The following MTUS2 variants were observed in gnomAD, a reference collection of about 807,000 sequenced individuals.
MTUS2 encodes microtubule associated scaffold protein 2.
Under a neutral mutation model 114.1 loss-of-function variants are expected in MTUS2, and 40 were observed. That is an observed-to-expected ratio of 0.35 (90% confidence interval 0.27 to 0.46). The LOEUF (loss-of-function observed/expected upper bound fraction) is 0.46. Ranked by LOEUF, MTUS2 falls within the 20% of genes least tolerant of loss-of-function variation. MTUS2 has a pLI of 1.00. For synonymous variants in MTUS2, 688 were observed against 672.0 expected (o/e 1.02, Z -0.37); for missense variants, 1,679 against 1,705.4 (o/e 0.98, Z 0.27).
At chr13:29,429,354 T>G (rs1316928099) in intron 8 of MTUS2, among the ~76,000 whole-genome samples, 1 of 152,232 alleles carries the variant, frequency 6.6e-6, no homozygotes, top group African/African-American at 2.4e-5. Flanking sequence ...TCTTGTAATT[T>G]ACATTCTTCA....
chr13:29,380,320 A>G (rs1386120796), intron 8 of MTUS2, among the ~76,000 whole-genome samples: 1 of 152,262 alleles, frequency 6.6e-6, no homozygotes, highest in Non-Finnish European at 1.5e-5. Context: ...CAGTGACATT[A>G]CAGAATAGTT....
chr13:29,373,450 G>A (rs369448015), intron 8 of MTUS2, among the ~76,000 whole-genome samples: 6 of 152,224 alleles, frequency 3.9e-5, no homozygotes, highest in African/African-American at 1.2e-4. Flanking sequence ...GGAAAGGATA[G>A]CAGATATTGA....
At chr13:29,277,774 C>G (rs918281880) in intron 5 of MTUS2, among the ~76,000 whole-genome samples, 3 of 152,174 alleles carry the variant, frequency 2.0e-5, no homozygotes, top group African/African-American at 7.2e-5. Context: ...ATGAAATTTT[C>G]CTGTGAACGG....
At chr13:29,422,648 C>CTTTTTTTTTTTTT (rs11342823) in intron 8 of MTUS2, among the ~76,000 whole-genome samples, 10 of 67,964 alleles carry the variant, frequency 1.5e-4, no homozygotes, top group Non-Finnish European at 1.8e-4. Flanking sequence ...GATTTCTTTT[C>CTTTTTTTTTTTTT]TTTTTTTTTT....
intron 5 of MTUS2, among the ~76,000 whole-genome samples, chr13:29,157,362 A>G (rs951004926): frequency 6.6e-6 from 1 of 152,190 alleles, no homozygotes; most frequent in Admixed American, 6.5e-5. Context: ...CCACATACTC[A>G]CCAGCCCTTG....
chr13:29,025,489 C>T lies in MTUS2; in HGVS notation c.791C>T (p.Ala264Val), dbSNP rs1440007774. 3.7e-6 allele frequency: 6 copies of T among 1,613,386 alleles called. No homozygotes were observed. Among genetic ancestry groups the T allele is most frequent in the Non-Finnish European group, 5.1e-6 (6 of 1,179,682 alleles). Residue 264 changes from alanine (A) to valine (V), a missense_variant, in exon 3 of 16, where the codon GCA becomes GTA. Ala to Val is a moderately conservative substitution (Grantham distance 64). Coordinates refer to ENST00000612955, the MANE Select transcript of MTUS2 (RefSeq NM_001033602.4). ...STPSETQTVG[A>V]HVLQVCSEHT... ...CCCTCAGAGACCCAAACAGTGGGGG[C>T]ACATGTACTGCAGGTGTGCAGTGAG...
chr13:29,025,276 A>C lies in MTUS2; in HGVS notation c.578A>C (p.Gln193Pro), dbSNP rs1288825220. The C allele has an allele frequency of 6.2e-7, 1 of 1,613,990 alleles. No individual in the cohort carries two copies. The highest frequency in any genetic ancestry group is 1.1e-5 in the South Asian group (1 of 91,080). ...GCTGCAGTCGGGAGCCTGACTCCGC[A>C]GCATCCACAGCCTCTATCCCTCGAC... ...SVAAVGSLTP[Q>P]HPQPLSLDSR... Residue 193 changes from glutamine to proline, a missense_variant, in exon 3 of 16, where the codon CAG (glutamine) becomes CCG (proline). By Grantham distance (76) the Gln-to-Pro change is moderately conservative (BLOSUM62 -1). This residue lies in a region of MTUS2 where 843 missense variants were observed against 770.8 expected (regional missense o/e 1.09). Coordinates refer to ENST00000612955, the MANE Select transcript of MTUS2 (RefSeq NM_001033602.4).
At chr13:29,051,485 G>C (rs2987344) in intron 4 of MTUS2, among the ~76,000 whole-genome samples, 1 of 151,858 alleles carries the variant, frequency 6.6e-6, no homozygotes. Flanking sequence ...TGAAATCTGC[G>C]TCTCACTAGA....
At chr13:28,957,685 A>AG (rs66843564) in intron 2 of MTUS2, among the ~76,000 whole-genome samples, 422 of 151,748 alleles carry the variant, frequency 2.8e-3, no homozygotes, top group South Asian at 3.8e-3. Flanking sequence ...TTGTATCTGG[A>AG]GGGGGGGGTC....
At chr13:29,185,122 G>A (rs541992528) in intron 5 of MTUS2, among the ~76,000 whole-genome samples, 1 of 152,158 alleles carries the variant, frequency 6.6e-6, no homozygotes, top group East Asian at 1.9e-4. Flanking sequence ...ATCTAGAGTT[G>A]AAAAGTACAA....
chr13:29,158,358 C>CCCCCCCCCCTCCTTT, intron 5 of MTUS2, among the ~76,000 whole-genome samples: 1 of 32,048 alleles, frequency 3.1e-5, no homozygotes, highest in African/African-American at 2.1e-4. Context: ...GTCCACCCCG[C>CCCCCCCCCCTCCTTT]TTTTTTTTTT....
intron 14 of MTUS2, among the ~76,000 whole-genome samples, chr13:29,499,108 C>T (rs1331207075): frequency 6.6e-6 from 1 of 152,224 alleles, no homozygotes; most frequent in African/African-American, 2.4e-5. Context: ...TCTCTGCCTC[C>T]TAATACCATC....
Position 29,496,721 on chromosome 13 carries a change from A to C in MTUS2, c.3580-517A>C, listed in dbSNP as rs562728690. Reference sequence around the variant, plus strand: ...GACTCTGTGGGTTCTAGGGACATTCAGGAGGCAGGATGGCAGGAGTTGATT... The same window carrying C: ...GACTCTGTGGGTTCTAGGGACATTCCGGAGGCAGGATGGCAGGAGTTGATT... On this transcript the variant is annotated intron_variant, in intron 12 of 15. Coordinates refer to ENST00000612955, the MANE Select transcript of MTUS2 (RefSeq NM_001033602.4). The surrounding 1 kb of genome is among the most constrained non-coding windows in gnomAD (Gnocchi z 4.3). Among the ~76,000 whole-genome samples the C allele has an allele frequency of 1.4e-4, 22 of 152,254 alleles. No individual in the cohort carries two copies. Among genetic ancestry groups the C allele is most frequent in the African/African-American group, 4.3e-4 (18 of 41,550 alleles).
At chr13:28,988,705 A>G (rs939868698) in intron 2 of MTUS2, among the ~76,000 whole-genome samples, 2 of 152,204 alleles carry the variant, frequency 1.3e-5, no homozygotes, top group African/African-American at 4.8e-5. Flanking sequence ...TTAAAAGTCC[A>G]TTAATTATCA....
At chr13:29,136,458 A>C (rs1488033058) in intron 5 of MTUS2, among the ~76,000 whole-genome samples, 1 of 152,196 alleles carries the variant, frequency 6.6e-6, no homozygotes, top group Non-Finnish European at 1.5e-5. Context: ...CGAATGACCA[A>C]GGCTTCATCA....
At chr13:29,264,148 C>T (rs1897580639) in intron 5 of MTUS2, among the ~76,000 whole-genome samples, 1 of 152,204 alleles carries the variant, frequency 6.6e-6, no homozygotes, top group Non-Finnish European at 1.5e-5. Flanking sequence ...AAGAAAGGGG[C>T]AATAGGCCCC....
At chr13:29,428,598 T>TGGGGG in intron 8 of MTUS2, 2 of 155,460 alleles carry the variant, frequency 1.3e-5, no homozygotes, top group Admixed American at 7.1e-5. Context: ...CCTTCCTGGC[T>TGGGGG]CCCGCCCGCC....
chr13:28,861,947 A>G (rs1003908848), intron 2 of MTUS2, among the ~76,000 whole-genome samples: 1 of 152,174 alleles, frequency 6.6e-6, no homozygotes, highest in East Asian at 1.9e-4. Flanking sequence ...CTTCTACCCC[A>G]TATATACCCA....
chr13:29,064,531 T>C (rs1888575074), intron 4 of MTUS2, among the ~76,000 whole-genome samples: 1 of 151,960 alleles, frequency 6.6e-6, no homozygotes, highest in African/African-American at 2.4e-5. Context: ...GTGAGGAAAC[T>C]ACTGTTGTAG....
Sources: allele counts gnomAD v4.1 joint callset (sites outside exome capture counted in the v4.1 genomes callset), GRCh38; gene constraint gnomAD v4.1.1; regional missense constraint gnomAD v4.1.1; non-coding constraint Gnocchi (gnomAD v3.1); transcripts MANE v1.5; gene names NCBI Gene and HGNC (gene_info 2026-07-23, HGNC 2026-07-21).